Variants in MKLN1 observed in about 807,000 individuals in gnomAD.
The protein encoded by MKLN1 is muskelin.
A neutral mutation model predicts 99.0 loss-of-function variants in MKLN1; 18 were observed. The observed-to-expected ratio is 0.18, with a 90% CI of 0.13 to 0.27. The LOEUF is 0.27. Among genes scored for constraint, MKLN1 ranks in the 10% least tolerant of loss-of-function variants. The pLI, the probability that MKLN1 is intolerant of heterozygous loss-of-function variation, is 1.00. For missense variants in MKLN1, 621 were observed against 875.9 expected, an observed-to-expected ratio of 0.71 and a Z score of 3.67; for synonymous variants, 288 against 293.2, an observed-to-expected ratio of 0.98 and a Z score of 0.18.
intron 6 of MKLN1, among the ~76,000 whole-genome samples, chr7:131,400,542 C>A (rs1225765596): frequency 8.5e-6 from 1 of 117,520 alleles, no homozygotes. Flanking sequence ...TATATATATG[C>A]CATTTCTAGG....
At chr7:131,418,597 T>C (rs1795097488) in intron 8 of MKLN1, among the ~76,000 whole-genome samples, 1 of 152,168 alleles carries the variant, frequency 6.6e-6, no homozygotes, top group Non-Finnish European at 1.5e-5. Context: ...ATGCAGCCCA[T>C]GGGCCACAGG....
intron 12 of MKLN1, among the ~76,000 whole-genome samples, chr7:131,455,356 T>C (rs1177836733): frequency 6.6e-6 from 1 of 152,230 alleles, no homozygotes; most frequent in East Asian, 1.9e-4. Flanking sequence ...AAAGATGTGA[T>C]TCAGACATAT....
intron 1 of MKLN1, among the ~76,000 whole-genome samples, chr7:131,131,668 C>T (rs1427904751): frequency 6.6e-6 from 1 of 152,126 alleles, no homozygotes; most frequent in African/African-American, 2.4e-5. Flanking sequence ...AAGCCATATG[C>T]TTAACTATTA....
intron 3 of MKLN1, among the ~76,000 whole-genome samples, chr7:131,294,958 C>T (rs1798269314): frequency 6.6e-6 from 1 of 152,096 alleles, no homozygotes; most frequent in South Asian, 2.1e-4. Flanking sequence ...CAGAGGACGA[C>T]GGGAGGATGG....
At chr7:131,180,335 A>T (rs1371869788) in intron 2 of MKLN1, among the ~76,000 whole-genome samples, 1 of 152,228 alleles carries the variant, frequency 6.6e-6, no homozygotes, top group Non-Finnish European at 1.5e-5. Context: ...TGCAAATGTT[A>T]CCATTTATGT....
intron 1 of MKLN1, among the ~76,000 whole-genome samples, chr7:131,348,525 G>A (rs939925883): frequency 6.7e-6 from 1 of 149,956 alleles, no homozygotes; most frequent in African/African-American, 2.4e-5. Flanking sequence ...AACTATAGTC[G>A]TTGGGTTTTT....
intron 11 of MKLN1, among the ~76,000 whole-genome samples, chr7:131,444,804 GT>G (rs1159084708): frequency 1.3e-5 from 2 of 149,162 alleles, no homozygotes; most frequent in African/African-American, 4.9e-5. Flanking sequence ...AGTAGTAGTA[GT>G]AGTAGTAGTA....
intron 1 of MKLN1, among the ~76,000 whole-genome samples, chr7:131,334,404 C>T (rs1365493976): frequency 6.6e-6 from 1 of 152,226 alleles, no homozygotes; most frequent in East Asian, 1.9e-4. Context: ...ACTCTTAGAA[C>T]TTCAGAAAAA....
chr7:131,422,441 T>C (rs1445495207), intron 8 of MKLN1, among the ~76,000 whole-genome samples: 1 of 152,144 alleles, frequency 6.6e-6, no homozygotes, highest in Non-Finnish European at 1.5e-5. Flanking sequence ...GTCCCAGCTC[T>C]GTGGGAGGCT....
chr7:131,487,819 T>TCCTC lies in MKLN1; in HGVS notation c.*91_*92insCCTC. On this transcript the variant is annotated 3_prime_UTR_variant, in exon 18 of 18. Coordinates refer to ENST00000352689, the MANE Select transcript of MKLN1 (RefSeq NM_013255.5). The surrounding 1 kb of genome is among the most constrained non-coding windows in gnomAD (Gnocchi z 4.7). ...CCACTGACTGACAGTAAAGCTGCAG[T>TCCTC]GATTGAGGACTGCACCAGAGTTCTG... 3 of 1,478,236 alleles carry TCCTC rather than the reference T, an allele frequency of 2.0e-6. No individual in the cohort carries two copies. The highest frequency in any genetic ancestry group is 2.8e-6 in the Non-Finnish European group (3 of 1,088,920). The allele number at this position is 1,478,236 out of a possible 1,614,324, so 91.6% of individuals were successfully genotyped here.
intron 2 of MKLN1, among the ~76,000 whole-genome samples, chr7:131,194,311 C>A (rs1796611545): frequency 6.6e-6 from 1 of 152,162 alleles, no homozygotes; most frequent in African/African-American, 2.4e-5. Flanking sequence ...CCCCTGGCAA[C>A]CACCAATCTA....
intron 7 of MKLN1, among the ~76,000 whole-genome samples, chr7:131,413,531 AAATT>A (rs1190217392): frequency 6.6e-6 from 1 of 152,090 alleles, no homozygotes; most frequent in Non-Finnish European, 1.5e-5. Context: ...TGAACTACTG[AAATT>A]AATTTATAAC....
chr7:131,454,428 T>G (rs1443021073), intron 12 of MKLN1, among the ~76,000 whole-genome samples: 1 of 152,188 alleles, frequency 6.6e-6, no homozygotes, highest in African/African-American at 2.4e-5. Context: ...GTAGAAAGAT[T>G]CAAGTAAAAT....
At chr7:131,244,408 C>A (rs879749161) in intron 3 of MKLN1, among the ~76,000 whole-genome samples, 2 of 152,150 alleles carry the variant, frequency 1.3e-5, no homozygotes, top group Admixed American at 6.5e-5. Context: ...TTCAGCAGGG[C>A]TCCTCTGAAG....
chr7:131,130,439 C>T (rs1200889111), intron 1 of MKLN1, among the ~76,000 whole-genome samples: 1 of 152,182 alleles, frequency 6.6e-6, no homozygotes, highest in Non-Finnish European at 1.5e-5. Flanking sequence ...CTTTAAGTCA[C>T]GTAATCCTCA....
chr7:131,161,534 G>A (rs1796047817), intron 2 of MKLN1, among the ~76,000 whole-genome samples: 1 of 152,170 alleles, frequency 6.6e-6, no homozygotes, highest in East Asian at 1.9e-4. Context: ...TTTAGCAAGT[G>A]ATACAGGTAT....
intron 1 of MKLN1, among the ~76,000 whole-genome samples, chr7:131,367,135 TCTTG>T (rs1347684010): frequency 3.3e-5 from 5 of 152,200 alleles, no homozygotes; most frequent in Non-Finnish European, 4.4e-5. Flanking sequence ...TTACTCATAG[TCTTG>T]CTTTTGTTTT....
intron 3 of MKLN1, among the ~76,000 whole-genome samples, chr7:131,264,406 T>C (rs2116543214): frequency 6.6e-6 from 1 of 152,314 alleles, no homozygotes; most frequent in Non-Finnish European, 1.5e-5. Flanking sequence ...TATGCATCTG[T>C]CCTCTATGTT....
At chr7:131,281,138 C>A (rs1328069473) in intron 3 of MKLN1, among the ~76,000 whole-genome samples, 4 of 151,442 alleles carry the variant, frequency 2.6e-5, no homozygotes, top group Admixed American at 6.6e-5. Context: ...TGAACATTTA[C>A]TCTTGTTTTC....
Sources: allele counts gnomAD v4.1 joint callset (sites outside exome capture counted in the v4.1 genomes callset), GRCh38; gene constraint gnomAD v4.1.1; non-coding constraint Gnocchi (gnomAD v3.1); transcripts MANE v1.5; gene names NCBI Gene and HGNC (gene_info 2026-07-23, HGNC 2026-07-21).